The following LPP variants were observed in gnomAD, a reference collection of about 807,000 sequenced individuals.
LPP encodes the protein lipoma-preferred partner.
In LPP, 38 loss-of-function variants were observed where a neutral mutation model predicts 60.4. The ratio of observed to expected loss-of-function variants is 0.63; its 90% confidence interval spans 0.49 to 0.83. The LOEUF is 0.83. Ranked by LOEUF, LPP falls within the 40% of genes least tolerant of loss-of-function variation. LPP has a pLI of 0.00. For missense variants in LPP, 902 were observed against 783.6 expected, an observed-to-expected ratio of 1.15 and a Z score of -1.80; for synonymous variants, 328 against 290.8, an observed-to-expected ratio of 1.13 and a Z score of -1.30.
At chr3:188,199,504 G>A (rs373262902) in intron 1 of LPP, among the ~76,000 whole-genome samples, 1 of 152,024 alleles carries the variant, frequency 6.6e-6, no homozygotes, top group Admixed American at 6.5e-5. Context: ...TGCAGCAGGC[G>A]CACCTGTATG....
chr3:188,622,979 G>C (rs1002781656), intron 7 of LPP, among the ~76,000 whole-genome samples: 2 of 141,854 alleles, frequency 1.4e-5, no homozygotes, highest in Non-Finnish European at 3.0e-5. Flanking sequence ...AGTAAGCCCA[G>C]ATCACACCAC....
intron 2 of LPP, among the ~76,000 whole-genome samples, chr3:188,323,004 T>G (rs1266853373): frequency 1.3e-5 from 2 of 152,308 alleles, no homozygotes; most frequent in African/African-American, 2.4e-5. Context: ...AGAGTGATTG[T>G]GTGGTAAAAT....
chr3:188,459,354 A>G (rs1798470341), intron 4 of LPP, among the ~76,000 whole-genome samples: 2 of 152,162 alleles, frequency 1.3e-5, no homozygotes, highest in Admixed American at 1.3e-4. Flanking sequence ...GAAAAAAAGA[A>G]AAGTAAGAGA....
intron 9 of LPP, among the ~76,000 whole-genome samples, chr3:188,846,395 G>T (rs1227396826): frequency 6.6e-6 from 1 of 152,088 alleles, no homozygotes; most frequent in Non-Finnish European, 1.5e-5. Flanking sequence ...TATAAGATAT[G>T]TGTAGAGGCT....
Position 188,524,893 on chromosome 3 carries a change from GTCCGT to G in LPP, c.429+107_429+111del, listed in dbSNP as rs1560518640. Reference sequence around the variant, plus strand: ...AGCTTATTTCCCCTTCCTTCCTTCCGTCCGTCCTTCCTTCCTTCCTTCCTTCCTTC... The same window carrying G: ...AGCTTATTTCCCCTTCCTTCCTTCCGCCTTCCTTCCTTCCTTCCTTCCTTC... On this transcript the variant is annotated intron_variant, in intron 6 of 11. Coordinates refer to ENST00000617246, the MANE Select transcript of LPP (RefSeq NM_001375462.1). The G allele has an allele frequency of 1.3e-3, 297 of 226,722 alleles. 7 individuals carry two copies. The African/African-American group carries it at 0.013, about 10-fold the overall frequency. 14.0% of individuals were successfully genotyped at this position (226,722 alleles called of 1,614,324 possible).
At chr3:188,372,627 C>G (rs1227035706) in intron 3 of LPP, among the ~76,000 whole-genome samples, 1 of 151,458 alleles carries the variant, frequency 6.6e-6, no homozygotes, top group East Asian at 1.9e-4. Context: ...TAAGTGCATT[C>G]AAGTTTCTGG....
At chr3:188,844,722 G>C (rs765947331) in intron 9 of LPP, among the ~76,000 whole-genome samples, 3 of 152,208 alleles carry the variant, frequency 2.0e-5, no homozygotes, top group Non-Finnish European at 4.4e-5. Flanking sequence ...CGGAAGGAGC[G>C]TAGACCTACA....
intron 2 of LPP, among the ~76,000 whole-genome samples, chr3:188,253,068 C>T (rs977822271): frequency 3.4e-5 from 5 of 148,676 alleles, no homozygotes; most frequent in Non-Finnish European, 7.4e-5. Context: ...CCACTGTGCT[C>T]AGTCCTTTTT....
intron 9 of LPP, among the ~76,000 whole-genome samples, chr3:188,847,557 C>G (rs979986754): frequency 2.6e-5 from 4 of 152,154 alleles, no homozygotes; most frequent in African/African-American, 7.2e-5. Context: ...TTGAAAAGTA[C>G]TTATAGGTCA....
chr3:188,595,233 C>T (rs1253041216), intron 6 of LPP, among the ~76,000 whole-genome samples: 1 of 152,116 alleles, frequency 6.6e-6, no homozygotes, highest in Non-Finnish European at 1.5e-5. Flanking sequence ...CCAGGAATTT[C>T]AGTACTTGTT....
intron 2 of LPP, among the ~76,000 whole-genome samples, chr3:188,263,910 G>A (rs532976538): frequency 1.3e-5 from 2 of 152,288 alleles, no homozygotes; most frequent in South Asian, 4.1e-4. Flanking sequence ...TTAAGTCCAT[G>A]TTCAAGTGAA....
chr3:188,362,622 T>G (rs1578337947), intron 3 of LPP, among the ~76,000 whole-genome samples: 1 of 152,218 alleles, frequency 6.6e-6, no homozygotes, highest in East Asian at 1.9e-4. Flanking sequence ...GTTTACAATA[T>G]GAACACACAC....
intron 6 of LPP, among the ~76,000 whole-genome samples, chr3:188,551,722 A>G (rs980137908): frequency 6.6e-6 from 1 of 152,146 alleles, no homozygotes. Context: ...GTTGCGGAAG[A>G]TGGTGACAGC....
chr3:188,184,136 A>G (rs1415083149), intron 1 of LPP, among the ~76,000 whole-genome samples: 1 of 152,080 alleles, frequency 6.6e-6, no homozygotes, highest in African/African-American at 2.4e-5. Context: ...CCAAGATATG[A>G]ATTTGTTTGG....
At chr3:188,577,305 A>G (rs73194468) in intron 6 of LPP, among the ~76,000 whole-genome samples, 1 of 152,172 alleles carries the variant, frequency 6.6e-6, no homozygotes, top group Non-Finnish European at 1.5e-5. Flanking sequence ...GTGAAATAAG[A>G]CATACACCCT....
chr3:188,488,572 G>A (rs1807319614), intron 5 of LPP, among the ~76,000 whole-genome samples: 1 of 152,000 alleles, frequency 6.6e-6, no homozygotes, highest in African/African-American at 2.4e-5. Flanking sequence ...CTTAAAACTT[G>A]GCATCATAGG....
chr3:188,258,738 C>T (rs562537561), intron 2 of LPP, among the ~76,000 whole-genome samples: 7 of 152,268 alleles, frequency 4.6e-5, no homozygotes, highest in East Asian at 3.9e-4. Flanking sequence ...AGACGATCAC[C>T]GCATTAGGGG....
intron 1 of LPP, among the ~76,000 whole-genome samples, chr3:188,200,344 G>A (rs920445806): frequency 2.0e-5 from 3 of 151,524 alleles, no homozygotes; most frequent in African/African-American, 7.3e-5. Context: ...CTGCCTCCCA[G>A]GTTCAAGAGA....
chr3:188,702,910 CGA>C (rs1044167894), intron 7 of LPP, among the ~76,000 whole-genome samples: 1 of 152,092 alleles, frequency 6.6e-6, no homozygotes, highest in Non-Finnish European at 1.5e-5. Flanking sequence ...ATCAAAACCC[CGA>C]GAGGCATTGC....
Sources: allele counts gnomAD v4.1 joint callset (sites outside exome capture counted in the v4.1 genomes callset), GRCh38; gene constraint gnomAD v4.1.1; transcripts MANE v1.5; gene names NCBI Gene and HGNC (gene_info 2026-07-23, HGNC 2026-07-21).